SMCO2: variants seen among roughly 807,000 people sequenced by gnomAD.
The protein encoded by SMCO2 is single-pass membrane protein with coiled-coil domains 2.
SMCO2 carries 25 observed loss-of-function variants against 29.5 expected under a neutral mutation model. The observed-to-expected ratio is 0.85, with a 90% CI of 0.62 to 1.18. SMCO2 has a LOEUF of 1.18. Ranked by LOEUF, SMCO2 falls within the 50% of genes most tolerant of loss-of-function variation. SMCO2 has a pLI of 0.00. For missense variants in SMCO2, 348 were observed against 344.5 expected (o/e 1.01, Z -0.08); for synonymous variants, 117 against 123.3 (o/e 0.95, Z 0.34).
At chr12:27,428,818 C>CT in the SMCO2 span, among the ~76,000 whole-genome samples, 2,271 of 130,018 alleles carry the variant, frequency 0.017, 85 homozygotes, top group African/African-American at 0.055. Flanking sequence ...AATAAATGTA[C>CT]TTTTTTTTTT....
At chr12:27,489,825 T>G (rs2135569354) in intron 5 of SMCO2, among the ~76,000 whole-genome samples, 1 of 152,308 alleles carries the variant, frequency 6.6e-6, no homozygotes, top group African/African-American at 2.4e-5. Flanking sequence ...ATATTCTGCT[T>G]TAGAGAATTT....
the SMCO2 span, among the ~76,000 whole-genome samples, chr12:27,438,921 T>C: frequency 6.6e-6 from 1 of 151,766 alleles, no homozygotes; most frequent in Non-Finnish European, 1.5e-5. Context: ...AGAACCAGAC[T>C]TCTGCACCTG....
rs1001938364 is a variant in SMCO2, at chr12:27,470,512, G to A, written c.-10-110G>A. On this transcript the variant is annotated intron_variant, in intron 1 of 7. Transcript: ENST00000298876. ...CGATGAACAGCCAGTTGAAAGGGGA[G>A]GAATTAAAGCCAAATGCCCTGAGGA... 16 of 1,223,608 alleles carry A rather than the reference G, an allele frequency of 1.3e-5. No individual in the cohort carries two copies. In the Admixed American group the frequency reaches 2.1e-4, roughly 16 times the overall value. 75.8% of individuals were successfully genotyped at this position (1,223,608 alleles called of 1,614,324 possible). A position where few individuals can be genotyped will look rare whatever the true frequency, so the allele number is the denominator to read the frequency against.
chr12:27,445,429 G>T, the SMCO2 span, among the ~76,000 whole-genome samples: 1 of 151,970 alleles, frequency 6.6e-6, no homozygotes, highest in African/African-American at 2.4e-5. Context: ...CTGTTTACTT[G>T]AAATTCAAAT....
chr12:27,476,616 C>G (rs891222288), intron 4 of SMCO2, among the ~76,000 whole-genome samples: 3 of 151,894 alleles, frequency 2.0e-5, no homozygotes, highest in South Asian at 2.1e-4. Context: ...ATATAATACC[C>G]TCCTTTGTCT....
At chr12:27,479,619 G>A (rs541244828) in intron 4 of SMCO2, among the ~76,000 whole-genome samples, 9 of 152,230 alleles carry the variant, frequency 5.9e-5, no homozygotes, top group East Asian at 5.8e-4. Context: ...CATAATTCCC[G>A]TGTGTTGTGA....
At chr12:27,465,152 G>A (rs2135537898), upstream of SMCO2, among the ~76,000 whole-genome samples, 1 of 152,176 alleles carries the variant, frequency 6.6e-6, no homozygotes, top group South Asian at 2.1e-4. Flanking sequence ...TGCTGCTTTA[G>A]GGCATGGTCC....
At chr12:27,455,629 A>T in the SMCO2 span, among the ~76,000 whole-genome samples, 2 of 152,194 alleles carry the variant, frequency 1.3e-5, no homozygotes, top group African/African-American at 4.8e-5. Context: ...AAACAAAAGA[A>T]CAAAGTCTTG....
chr12:27,446,512 G>C, the SMCO2 span: 1 of 152,224 alleles, frequency 6.6e-6, no homozygotes, highest in Admixed American at 6.5e-5. Context: ...TTATAAATTG[G>C]ATCAATCCCT....
intron 4 of SMCO2, among the ~76,000 whole-genome samples, chr12:27,485,907 A>G (rs1949685492): frequency 6.6e-6 from 1 of 152,324 alleles, no homozygotes; most frequent in South Asian, 2.1e-4. Context: ...ACACAGTTAA[A>G]TTACTTAGAA....
At chr12:27,498,138 C>T in intron 7 of SMCO2, 1 of 360,178 alleles carries the variant, frequency 2.8e-6, no homozygotes, top group South Asian at 3.0e-5. Flanking sequence ...ACTGAACTTT[C>T]CCATAACCGG....
At chr12:27,430,175 T>A in the SMCO2 span, among the ~76,000 whole-genome samples, 1 of 152,224 alleles carries the variant, frequency 6.6e-6, no homozygotes, top group Non-Finnish European at 1.5e-5. Flanking sequence ...ATTCTGGTAC[T>A]CGTTTTGAAA....
At chr12:27,484,968 C>T (rs1949676641) in intron 4 of SMCO2, among the ~76,000 whole-genome samples, 1 of 149,350 alleles carries the variant, frequency 6.7e-6, no homozygotes, top group South Asian at 2.1e-4. Flanking sequence ...TGCGTTGTGC[C>T]TTATGGCTCT....
the SMCO2 span, among the ~76,000 whole-genome samples, chr12:27,453,769 AG>A: frequency 6.6e-6 from 1 of 152,234 alleles, no homozygotes; most frequent in African/African-American, 2.4e-5. Context: ...TCAAGAAAAA[AG>A]CCTGCCTTTT....
the SMCO2 span, among the ~76,000 whole-genome samples, chr12:27,426,971 A>T: frequency 6.6e-6 from 1 of 152,260 alleles, no homozygotes; most frequent in African/African-American, 2.4e-5. Context: ...CAAATAAGTA[A>T]GCACTTATTT....
chr12:27,428,944 C>T, the SMCO2 span, among the ~76,000 whole-genome samples: 1 of 151,552 alleles, frequency 6.6e-6, no homozygotes, highest in Non-Finnish European at 1.5e-5. Flanking sequence ...ACCCAAAAGG[C>T]TTCCCATCTA....
At chr12:27,486,628 C>T (rs1353455610) in intron 4 of SMCO2, among the ~76,000 whole-genome samples, 3 of 152,098 alleles carry the variant, frequency 2.0e-5, no homozygotes, top group Non-Finnish European at 2.9e-5. Context: ...TGTCTGCCTG[C>T]AAATCCACAT....
chr12:27,495,579 C>T, intron 6 of SMCO2, 101 bp from the exon 8 acceptor site: 1 of 1,141,502 alleles, frequency 8.8e-7, no homozygotes, highest in Non-Finnish European at 1.2e-6. Flanking sequence ...CTAATGTGGG[C>T]CCCCAAGGTG....
chr12:27,432,721 A>T, the SMCO2 span, among the ~76,000 whole-genome samples: 8 of 152,230 alleles, frequency 5.3e-5, no homozygotes, highest in Non-Finnish European at 1.0e-4. Context: ...GACACATGAC[A>T]TGAAATCTAT....
Sources: allele counts gnomAD v4.1 joint callset (sites outside exome capture counted in the v4.1 genomes callset), GRCh38; gene constraint gnomAD v4.1.1; transcripts MANE v1.5; gene names NCBI Gene and HGNC (gene_info 2026-07-23, HGNC 2026-07-21).